TECRL: variants seen among roughly 807,000 people sequenced by gnomAD.
TECRL encodes trans-2,3-enoyl-CoA reductase-like.
TECRL carries 63 observed loss-of-function variants against 52.8 expected under a neutral mutation model. The ratio of observed to expected loss-of-function variants is 1.19; its 90% CI spans 0.97 to 1.47. The LOEUF is 1.47. TECRL is among the 40% of genes most tolerant of loss of function. The pLI is 0.00. For synonymous variants in TECRL, 164 were observed against 141.9 expected, an observed-to-expected ratio of 1.16 and a Z score of -1.10; for missense variants, 482 against 429.6, an observed-to-expected ratio of 1.12 and a Z score of -1.08.
intron 9 of TECRL, among the ~76,000 whole-genome samples, chr4:64,288,014 T>C (rs1723168579): frequency 6.6e-6 from 1 of 151,690 alleles, no homozygotes; most frequent in African/African-American, 2.4e-5. Context: ...GGCATGGTGG[T>C]GTGCACCTGT....
chr4:64,330,593 T>C (rs908274630), intron 2 of TECRL, among the ~76,000 whole-genome samples: 13 of 152,010 alleles, frequency 8.6e-5, no homozygotes, highest in Non-Finnish European at 1.6e-4. Flanking sequence ...ACTTGACCCT[T>C]GGAGTTCAAG....
intron 1 of TECRL, among the ~76,000 whole-genome samples, chr4:64,376,396 A>C (rs1020114554): frequency 6.6e-6 from 1 of 151,968 alleles, no homozygotes; most frequent in Non-Finnish European, 1.5e-5. Context: ...TAAAGTTATA[A>C]ATATTTCATG....
intron 2 of TECRL, among the ~76,000 whole-genome samples, chr4:64,338,686 T>C (rs1267938842): frequency 6.6e-6 from 1 of 152,174 alleles, no homozygotes; most frequent in African/African-American, 2.4e-5. Context: ...GATAAAATGT[T>C]CATCATCACT....
chr4:64,277,105 T>G, downstream of TECRL: 1 of 1,301,918 alleles, frequency 7.7e-7, no homozygotes, highest in Non-Finnish European at 1.1e-6. Context: ...AATTAAGATA[T>G]CCTTTAACTA....
chr4:64,301,302 AACTT>A (rs1328042018), intron 7 of TECRL, among the ~76,000 whole-genome samples: 1 of 151,130 alleles, frequency 6.6e-6, no homozygotes, highest in African/African-American at 2.4e-5. Flanking sequence ...ACAATTTTGT[AACTT>A]ACTTTTCTCT....
intron 2 of TECRL, among the ~76,000 whole-genome samples, chr4:64,333,166 A>C (rs893918560): frequency 6.6e-6 from 1 of 152,194 alleles, no homozygotes; most frequent in African/African-American, 2.4e-5. Context: ...ATAGAAAAAT[A>C]TTTTTAAAAA....
At chr4:64,347,450 G>A (rs960353514) in intron 2 of TECRL, among the ~76,000 whole-genome samples, 2 of 152,040 alleles carry the variant, frequency 1.3e-5, no homozygotes, top group Non-Finnish European at 2.9e-5. Flanking sequence ...ATAACTTCCT[G>A]TATTAGTTCA....
intron 2 of TECRL, among the ~76,000 whole-genome samples, chr4:64,349,371 T>G (rs2109565808): frequency 6.6e-6 from 1 of 152,048 alleles, no homozygotes; most frequent in Admixed American, 6.6e-5. Flanking sequence ...GACTTCGTGA[T>G]CTACCCACCG....
intron 1 of TECRL, among the ~76,000 whole-genome samples, chr4:64,392,737 C>T (rs572482734): frequency 6.6e-6 from 1 of 152,064 alleles, no homozygotes; most frequent in South Asian, 2.1e-4. Flanking sequence ...TTTTTATTGG[C>T]TACCACAGGT....
In TECRL at chr4:64,396,575, TTAC is replaced by T. The variant is rs1723970567; in HGVS notation, c.234+12540_234+12542del. 2.6e-5 allele frequency among the ~76,000 whole-genome samples: 4 copies of T among 152,302 alleles called. No individual in the cohort carries two copies. The South Asian group carries it at 8.3e-4, about 32-fold the overall frequency. ...TATTAGACTTTGTCAGATGCATAGT[TTAC>T]AAACACTTTCTTCCTTCCTTAGGTT... On this transcript the variant is annotated intron_variant, in intron 1 of 11. Transcript: ENST00000381210.
intron 9 of TECRL, among the ~76,000 whole-genome samples, chr4:64,289,095 C>T (rs965323774): frequency 2.0e-5 from 3 of 152,082 alleles, no homozygotes; most frequent in Admixed American, 1.3e-4. Context: ...GAATAAACTA[C>T]TTTTCATTGG....
At chr4:64,361,163 T>C (rs940131326) in intron 2 of TECRL, among the ~76,000 whole-genome samples, 1 of 152,100 alleles carries the variant, frequency 6.6e-6, no homozygotes, top group African/African-American at 2.4e-5. Flanking sequence ...GCCATAGCTT[T>C]CACCAGCTGA....
intron 1 of TECRL, among the ~76,000 whole-genome samples, chr4:64,398,017 C>T (rs1215187828): frequency 8.8e-6 from 1 of 114,122 alleles, no homozygotes; most frequent in African/African-American, 2.8e-5. Flanking sequence ...TGTTTATAAA[C>T]ACATATATTA....
intron 2 of TECRL, among the ~76,000 whole-genome samples, chr4:64,369,622 G>A (rs1314975270): frequency 6.6e-6 from 1 of 151,976 alleles, no homozygotes; most frequent in Non-Finnish European, 1.5e-5. Flanking sequence ...GAGTCACACT[G>A]CCTGAGATTA....
At chr4:64,276,419 GTTA>G (rs1210488375), downstream of TECRL, 9 of 151,658 alleles carry the variant, frequency 5.9e-5, no homozygotes, top group African/African-American at 1.9e-4. Context: ...TGGTAGTAAT[GTTA>G]TTGTTAATTT....
chr4:64,289,892 T>C, intron 8 of TECRL, 125 bp from the exon 9 acceptor site: 2 of 548,390 alleles, frequency 3.6e-6, no homozygotes, highest in Non-Finnish European at 5.8e-6. Flanking sequence ...ATATATATTT[T>C]ATTCTAATCA....
intron 1 of TECRL, among the ~76,000 whole-genome samples, chr4:64,378,596 T>C (rs1210906980): frequency 6.6e-6 from 1 of 152,116 alleles, no homozygotes; most frequent in African/African-American, 2.4e-5. Context: ...AGTAAGCAAA[T>C]GTTATTTTAC....
chr4:64,385,520 G>A (rs1723117269), intron 1 of TECRL, among the ~76,000 whole-genome samples: 1 of 152,088 alleles, frequency 6.6e-6, no homozygotes, highest in Admixed American at 6.6e-5. Context: ...TACTGCATAG[G>A]CTGGGTGCTG....
intron 1 of TECRL, among the ~76,000 whole-genome samples, chr4:64,408,021 G>C (rs1724841699): frequency 6.6e-6 from 1 of 151,604 alleles, no homozygotes. Context: ...AATGGTTTTA[G>C]ATCTTTTAGT....
Sources: gnomAD v4.1 joint callset for allele counts (sites outside exome capture counted in the v4.1 genomes callset) on GRCh38, gnomAD v4.1.1 for gene constraint, MANE v1.5 for transcripts, NCBI Gene and HGNC (gene_info 2026-07-23, HGNC 2026-07-21) for gene names.